Variants in KNTC1 observed in about 807,000 individuals in gnomAD.
KNTC1 encodes kinetochore-associated protein 1.
KNTC1 carries 253 observed loss-of-function variants against 314.4 expected under a neutral mutation model. The ratio of observed to expected loss-of-function variants is 0.80; its 90% CI spans 0.73 to 0.89. KNTC1 has a LOEUF of 0.89. KNTC1 is among the 40% of genes least tolerant of loss of function. The pLI, the probability that KNTC1 is intolerant of heterozygous loss-of-function variation, is 0.00. For synonymous variants in KNTC1, 901 were observed against 901.4 expected, an observed-to-expected ratio of 1.00 and a Z score of 0.01; for missense variants, 2,475 against 2,572.9, an observed-to-expected ratio of 0.96 and a Z score of 0.82.
chr12:122,548,227 G>T (rs1962929856), intron 12 of KNTC1, among the ~76,000 whole-genome samples: 1 of 151,794 alleles, frequency 6.6e-6, no homozygotes, highest in Admixed American at 6.6e-5. Context: ...TTATTTTTTT[G>T]AGATGGGATC....
chr12:122,583,284 A>T (rs1868714482), intron 34 of KNTC1, among the ~76,000 whole-genome samples: 1 of 151,972 alleles, frequency 6.6e-6, no homozygotes, highest in Non-Finnish European at 1.5e-5. Flanking sequence ...ACAGAGCAAG[A>T]CTCCGTCTCA....
chr12:122,549,698 G>C, intron 12 of KNTC1, 68 bp from the exon 13 acceptor site: 2 of 787,116 alleles, frequency 2.5e-6, no homozygotes, highest in Non-Finnish European at 4.4e-6. Context: ...TCTTAATTGT[G>C]AAGTGCTGTT....
intron 45 of KNTC1, 141 bp downstream of exon 45, chr12:122,601,766 C>A: frequency 1.2e-6 from 1 of 831,526 alleles, no homozygotes; most frequent in South Asian, 3.3e-5. Context: ...TTTTAAAAAT[C>A]TTTACAAATC....
rs1962030323 is a variant in KNTC1 at position 122,538,503 on chromosome 12, C to G, written c.366+49C>G. On this transcript the variant is annotated intron_variant, in intron 4 of 63. Transcript: ENST00000333479. The stretch of plus-strand genomic sequence containing the variant: ...TTTCATTATTTAAATTCTAAATAAT[C>G]TCTTAGACAACTAAAACTCTAGCAA... 4.8e-6 allele frequency: 5 copies of G among 1,031,492 alleles called. No homozygotes were observed. The Admixed American group carries it at 1.0e-4, about 21-fold the overall frequency. The allele number at this position is 1,031,492 out of a possible 1,614,324, so 63.9% of individuals were successfully genotyped here.
rs7307735 is a variant in KNTC1 at position 122,602,895 on chromosome 12, A to G, written c.4884+8A>G. On this transcript the variant is annotated splice_region_variant and intron_variant, in intron 47 of 63. Coordinates refer to ENST00000333479, the MANE Select transcript of KNTC1 (RefSeq NM_014708.6). ...ATTTCGAAATTAATGAAGGTAATGG[A>G]TTAAAACATTGTAAGACATTTCTGT... 1,179,065 of 1,588,914 alleles carry G rather than the reference A, an allele frequency of 0.74. 439,378 individuals are homozygous for G. The highest frequency in any genetic ancestry group is 0.85 in the East Asian group (38,087 of 44,756).
rs1307487879 is a variant in KNTC1, at chr12:122,584,380, G to T, written c.3366G>T (p.Val1122=). The T allele has an allele frequency of 6.2e-7, 1 of 1,613,582 alleles. No homozygotes were observed. The highest frequency in any genetic ancestry group is 1.3e-5 in the African/African-American group (1 of 74,928). ...QMLADNVPVT[V]PVGLNLPSMI... is the part of the protein sequence containing the mutation. Reference sequence around the variant, plus strand: ...TGGCTGATAATGTCCCAGTGACAGTGCCTGTGGGACTGAATCTTCCTTCCA... The same window carrying T: ...TGGCTGATAATGTCCCAGTGACAGTTCCTGTGGGACTGAATCTTCCTTCCA... Residue 1122 remains valine (V), a synonymous_variant, in exon 35 of 64, where the codon GTG becomes GTT. Coordinates refer to ENST00000333479, the MANE Select transcript of KNTC1 (RefSeq NM_014708.6).
At chr12:122,574,603 C>T (rs1426832775) in intron 27 of KNTC1, among the ~76,000 whole-genome samples, 7 of 152,154 alleles carry the variant, frequency 4.6e-5, no homozygotes, top group Non-Finnish European at 7.3e-5. Context: ...GGACCATAGG[C>T]GTGTGCCACT....
chr12:122,554,163 G>A (rs1020981917), intron 16 of KNTC1, among the ~76,000 whole-genome samples: 4 of 147,668 alleles, frequency 2.7e-5, no homozygotes, highest in African/African-American at 7.4e-5. Context: ...ACTCGTGACC[G>A]CAAGTAATCC....
chr12:122,624,818 T>G, intron 63 of KNTC1, 130 bp downstream of exon 63: 1 of 738,514 alleles, frequency 1.4e-6, no homozygotes. Context: ...ATTTTTATAT[T>G]TTACTTTTTG....
rs1370618254 is a variant in KNTC1, at chr12:122,620,559, C to T, written c.6230C>T (p.Ala2077Val). The T allele has an allele frequency of 6.2e-7, 1 of 1,613,554 alleles. No homozygotes were observed. The highest frequency in any genetic ancestry group is 8.5e-7 in the Non-Finnish European group (1 of 1,179,600). Residue 2077 changes from alanine (A) to valine (V), a missense_variant, in exon 60 of 64, where the codon GCT (alanine) becomes GTT (valine). Physicochemically the swap from Ala to Val is moderately conservative, Grantham distance 64. Coordinates refer to ENST00000333479, the MANE Select transcript of KNTC1 (RefSeq NM_014708.6). ...TTAGAACTTCCGGCTTTTGCATTAG[C>T]TTGTCTGATGCTCATGCCCCACTCA... ...IQLELPAFAL[A>V]CLMLMPHSEK...
Position 122,591,340 on chromosome 12 carries a change from A to G in KNTC1, c.4132A>G (p.Ile1378Val), listed in dbSNP as rs778074193. 7.7e-6 allele frequency: 12 copies of G among 1,565,610 alleles called. No homozygotes were observed. The highest frequency in any genetic ancestry group is 1.7e-5 in the Admixed American group (1 of 59,860). ...TAATTCTCTTTTAATTTTTTAGGCAATATCTCTGGTGGGCTCTGAGCTGGC... is the reference window on the plus strand; with the variant it reads ...TAATTCTCTTTTAATTTTTTAGGCAGTATCTCTGGTGGGCTCTGAGCTGGC... ...AWQNYDKILA[I>V]SLVGSELASL... The change falls in exon 42 of 64, where the codon ATA (isoleucine) becomes GTA (valine). Residue 1378 changes from isoleucine (I) to valine (V), a missense_variant. Physicochemically the swap from Ile to Val is conservative, Grantham distance 29. Coordinates refer to ENST00000333479, the MANE Select transcript of KNTC1 (RefSeq NM_014708.6).
intron 20 of KNTC1, among the ~76,000 whole-genome samples, chr12:122,563,039 T>A (rs1964088328): frequency 2.0e-5 from 3 of 151,912 alleles, no homozygotes; most frequent in Admixed American, 1.3e-4. Context: ...TTTTAGATTA[T>A]AAGTTACATA....
intron 3 of KNTC1, among the ~76,000 whole-genome samples, chr12:122,535,889 GTTTT>G (rs1190271040): frequency 1.5e-5 from 2 of 133,528 alleles, no homozygotes; most frequent in Non-Finnish European, 1.6e-5. Flanking sequence ...TATTATGAAA[GTTTT>G]TTTTTTTTTT....
chr12:122,543,717 C>G lies in KNTC1; in HGVS notation c.558+83C>G, dbSNP rs932763289. 6.5e-6 allele frequency: 5 copies of G among 774,062 alleles called. No homozygotes were observed. The African/African-American group carries it at 7.1e-5, about 11-fold the overall frequency. 47.9% of individuals were successfully genotyped at this position (774,062 alleles called of 1,614,324 possible). On this transcript the variant is annotated intron_variant, in intron 7 of 63. Transcript: ENST00000333479. ...TAGAATGTTTCTGTATATAATTGGT[C>G]TACTTCTTGATATTTTAGAAATTAT... is the stretch of plus-strand genomic sequence containing the variant.
chr12:122,561,567 C>A (rs1189336424), intron 18 of KNTC1, among the ~76,000 whole-genome samples: 1 of 151,826 alleles, frequency 6.6e-6, no homozygotes, highest in Non-Finnish European at 1.5e-5. Context: ...GATTCTCGTG[C>A]CTCAGGCTCC....
rs1404169360 is a variant in KNTC1, at chr12:122,624,603, A to G, written c.6521A>G (p.Asp2174Gly). ...VNYLANDLSL[D>G]EASVLITEYS... ...TTTTCTTTTTGATTTTGTAGTTTAG[A>G]TGAAGCTTCAGTCTTGATAACTGAA... The change falls in exon 63 of 64, where the codon GAT becomes GGT. Residue 2174 changes from aspartate to glycine, a missense_variant. Physicochemically the swap from Asp to Gly is moderately conservative, Grantham distance 94 (BLOSUM62 -1). Transcript: ENST00000333479. 2 of 1,610,708 alleles carry G rather than the reference A, an allele frequency of 1.2e-6. No homozygotes were observed. Among genetic ancestry groups the G allele is most frequent in the Non-Finnish European group, 8.5e-7 (1 of 1,177,332 alleles).
In KNTC1 at chr12:122,594,386, G is replaced by A. The variant is rs368564045; in HGVS notation, c.4355+1G>A. 6 of 1,502,612 alleles carry A rather than the reference G, an allele frequency of 4.0e-6. No homozygotes were observed. Among genetic ancestry groups the A allele is most frequent in the African/African-American group, 1.4e-5 (1 of 72,262 alleles). 93.1% of individuals were successfully genotyped at this position (1,502,612 alleles called of 1,614,324 possible). On this transcript the variant is annotated splice_donor_variant, in intron 43 of 63. Transcript: ENST00000333479. LOFTEE classifies it high-confidence loss of function. The stretch of plus-strand genomic sequence containing the variant: ...CAAGCCTCATTTTGGAATATTGCAG[G>A]TAATTCTTTAAACATTAACGGTATT...
chr12:122,553,701 G>A (rs1565948683), intron 16 of KNTC1, among the ~76,000 whole-genome samples: 1 of 152,064 alleles, frequency 6.6e-6, no homozygotes, highest in Non-Finnish European at 1.5e-5. Flanking sequence ...GATGTGATGT[G>A]GGGGCAATAG....
At position 122,546,228 on chromosome 12, in the gene KNTC1, G is replaced by C. The variant is rs767559140; in HGVS notation, c.722G>C (p.Gly241Ala). The C allele has an allele frequency of 3.5e-5, 57 of 1,608,232 alleles. No homozygotes were observed. The highest frequency in any genetic ancestry group is 4.5e-5 in the Non-Finnish European group (53 of 1,175,096). The stretch of plus-strand genomic sequence containing the variant: ...TGGGAACCAGATTCTTCCAAGAAAG[G>C]AATGACAGTTAAGAACCTTATTGAT... Reference protein sequence around the residue: ...SKWEPDSSKKGMTVKNLIDAE... With the variant: ...SKWEPDSSKKAMTVKNLIDAE... The change falls in exon 9 of 64, where the codon GGA becomes GCA. Residue 241 changes from glycine (G) to alanine (A), a missense_variant. By Grantham distance (60) the Gly-to-Ala change is moderately conservative. Coordinates refer to ENST00000333479, the MANE Select transcript of KNTC1 (RefSeq NM_014708.6).
Sources: gnomAD v4.1 joint callset for allele counts (sites outside exome capture counted in the v4.1 genomes callset) on GRCh38, gnomAD v4.1.1 for gene constraint, MANE v1.5 for transcripts, NCBI Gene and HGNC (gene_info 2026-07-23, HGNC 2026-07-21) for gene names.